The following GCNT2 variants were observed in gnomAD, a reference collection of about 807,000 sequenced individuals.
GCNT2 encodes N-acetyllactosaminide beta-1,6-N-acetylglucosaminyl-transferase.
A neutral mutation model predicts 34.2 loss-of-function variants in GCNT2; 34 were observed. That is an observed-to-expected ratio of 1.00 (90% CI 0.76 to 1.32). The LOEUF (loss-of-function observed/expected upper bound fraction) is 1.32, where lower values mean the gene tolerates loss of function less well. GCNT2 is among the 40% of genes most tolerant of loss of function. GCNT2 has a pLI of 0.00. For synonymous variants in GCNT2, 212 were observed against 188.0 expected (o/e 1.13, Z -1.04); for missense variants, 584 against 489.4 (o/e 1.19, Z -1.82).
intron 1 of GCNT2, among the ~76,000 whole-genome samples, chr6:10,526,629 C>A (rs1412403820): frequency 2.0e-5 from 3 of 152,130 alleles, no homozygotes; most frequent in South Asian, 2.1e-4. Flanking sequence ...GTCTCAAACT[C>A]CTGGCCTCGA....
chr6:10,588,463 G>A (rs911414392), intron 3 of GCNT2, among the ~76,000 whole-genome samples: 1 of 152,168 alleles, frequency 6.6e-6, no homozygotes, highest in Admixed American at 6.5e-5. Flanking sequence ...GTATGTTCAC[G>A]TTGTTCACAT....
At chr6:10,626,281 C>T (rs1428589250) in intron 4 of GCNT2, 136 bp from the exon 5 acceptor site, 6 of 725,006 alleles carry the variant, frequency 8.3e-6, no homozygotes, top group Non-Finnish European at 1.5e-5. Context: ...TGAGACTGCA[C>T]AATCATATTT....
intron 3 of GCNT2, among the ~76,000 whole-genome samples, chr6:10,533,983 C>T (rs1000703537): frequency 2.0e-5 from 3 of 151,282 alleles, no homozygotes; most frequent in Non-Finnish European, 4.4e-5. Context: ...GTCCTCATGT[C>T]GCAGAGTCTC....
At position 10,524,454 on chromosome 6, in the gene GCNT2, G is replaced by A. The variant is rs140935782; in HGVS notation, c.-468-3020G>A. On this transcript the variant is annotated intron_variant, in intron 1 of 4. Transcript: ENST00000495262. ...TTCAGTAGAGACAGGGTTTCTCCAT[G>A]TTGGTCAGGCTGGTCTCTAACTCAA... Among the ~76,000 whole-genome samples, 837 of 152,122 alleles carry A rather than the reference G, an allele frequency of 5.5e-3. 9 individuals are homozygous for A. Among genetic ancestry groups the A allele is most frequent in the African/African-American group, 0.019 (773 of 41,486 alleles).
At chr6:10,522,911 G>C (rs1341100989) in intron 1 of GCNT2, among the ~76,000 whole-genome samples, 2 of 152,160 alleles carry the variant, frequency 1.3e-5, no homozygotes, top group Non-Finnish European at 2.9e-5. Flanking sequence ...GTAACTTTCT[G>C]CAACAGTAAA....
chr6:10,596,105 C>T (rs1764840247), intron 3 of GCNT2, among the ~76,000 whole-genome samples: 1 of 152,204 alleles, frequency 6.6e-6, no homozygotes, highest in Admixed American at 6.5e-5. Context: ...TCCAACTTCA[C>T]CTTTTAGGCT....
At chr6:10,598,734 G>A (rs912157719) in intron 3 of GCNT2, among the ~76,000 whole-genome samples, 4 of 152,298 alleles carry the variant, frequency 2.6e-5, no homozygotes, top group Admixed American at 2.0e-4. Context: ...CAAGGCTAGT[G>A]TAGTGTATTC....
intron 3 of GCNT2, among the ~76,000 whole-genome samples, chr6:10,600,177 G>C (rs1021244865): frequency 6.6e-6 from 1 of 152,080 alleles, no homozygotes; most frequent in Non-Finnish European, 1.5e-5. Context: ...CTGAGCAAAG[G>C]GGCAGTATGA....
intron 3 of GCNT2, among the ~76,000 whole-genome samples, chr6:10,536,953 A>G (rs1761791501): frequency 6.6e-6 from 1 of 151,820 alleles, no homozygotes; most frequent in South Asian, 2.1e-4. Context: ...TTTAGTAGAG[A>G]TGGGGTTTCA....
chr6:10,556,048 G>T, intron 3 of GCNT2: 20 of 1,146,888 alleles, frequency 1.7e-5, no homozygotes, highest in Non-Finnish European at 2.2e-5. Context: ...GGGGGCGGGG[G>T]TGGCATGGGA....
intron 3 of GCNT2, among the ~76,000 whole-genome samples, chr6:10,594,455 G>T (rs914142014): frequency 3.9e-5 from 6 of 152,150 alleles, no homozygotes; most frequent in Non-Finnish European, 8.8e-5. Context: ...ATGGGCTCTG[G>T]AGTGAGACAA....
chr6:10,533,532 A>G (rs924674273), intron 3 of GCNT2, among the ~76,000 whole-genome samples: 14 of 152,176 alleles, frequency 9.2e-5, no homozygotes, highest in Admixed American at 9.2e-4. Context: ...TCTCGCCTGT[A>G]ATCCCAGCAC....
At chr6:10,620,641 A>AAAG (rs1765994080) in intron 3 of GCNT2, among the ~76,000 whole-genome samples, 1 of 152,154 alleles carries the variant, frequency 6.6e-6, no homozygotes, top group Non-Finnish European at 1.5e-5. Flanking sequence ...TCGGCCTCCT[A>AAAG]AAGTGCTGGG....
intron 3 of GCNT2, chr6:10,555,689 A>T (rs1050756222): frequency 5.1e-6 from 5 of 978,974 alleles, no homozygotes; most frequent in Non-Finnish European, 6.1e-6. Context: ...GCAATTTCAG[A>T]CCCCCTGGGA....
chr6:10,539,180 CT>C (rs71548847), intron 3 of GCNT2, among the ~76,000 whole-genome samples: 3,339 of 64,960 alleles, frequency 0.051, 19 homozygotes, highest in Non-Finnish European at 0.065. Flanking sequence ...CTCACCGTCT[CT>C]TTTTTTTTTT....
At chr6:10,536,702 G>T (rs1761773680) in intron 3 of GCNT2, among the ~76,000 whole-genome samples, 1 of 141,674 alleles carries the variant, frequency 7.1e-6, no homozygotes, top group South Asian at 2.2e-4. Context: ...ACACCTGTGA[G>T]TTCCTTTTTT....
rs570105927 is a variant in GCNT2, at chr6:10,620,407, A to AT, written c.926-932dup. Among the ~76,000 whole-genome samples, 831 of 146,444 alleles carry AT rather than the reference A, an allele frequency of 5.7e-3. 5 individuals carry two copies. The highest frequency in any genetic ancestry group is 0.016 in the East Asian group (82 of 5,040). ...CCCATGTTTTCCTTTTCTTTTTTTA[A>AT]TTTTTTTTTTTTATTTTGAGACAGG... is the stretch of plus-strand genomic sequence containing the variant. On this transcript the variant is annotated intron_variant, in intron 3 of 4. Coordinates refer to ENST00000495262, the MANE Select transcript of GCNT2 (RefSeq NM_145649.5).
At chr6:10,544,103 C>A (rs570651652) in intron 3 of GCNT2, among the ~76,000 whole-genome samples, 1 of 151,660 alleles carries the variant, frequency 6.6e-6, no homozygotes, top group African/African-American at 2.4e-5. Context: ...CACCTGAGAT[C>A]AGGAGTTCGA....
chr6:10,545,342 C>T (rs1026473902), intron 3 of GCNT2, among the ~76,000 whole-genome samples: 5 of 152,094 alleles, frequency 3.3e-5, no homozygotes, highest in Admixed American at 2.0e-4. Context: ...ATTTGACCAC[C>T]TAGAAACTTT....
Sources: gnomAD v4.1 joint callset for allele counts (sites outside exome capture counted in the v4.1 genomes callset) on GRCh38, gnomAD v4.1.1 for gene constraint, MANE v1.5 for transcripts, NCBI Gene and HGNC (gene_info 2026-07-23, HGNC 2026-07-21) for gene names.